SSC5D: variants seen among roughly 807,000 people sequenced by gnomAD.
The protein encoded by SSC5D is scavenger receptor cysteine rich family member with 5 domains.
Under a neutral mutation model 104.6 loss-of-function variants are expected in SSC5D, and 106 were observed. The ratio of observed to expected loss-of-function variants is 1.01; its 90% confidence interval spans 0.87 to 1.19. The LOEUF is 1.19. Ranked by LOEUF, SSC5D falls within the 50% of genes most tolerant of loss-of-function variation. The pLI is 0.00. For synonymous variants in SSC5D, 860 were observed against 883.5 expected, an observed-to-expected ratio of 0.97 and a Z score of 0.47; for missense variants, 1,993 against 2,153.8, an observed-to-expected ratio of 0.93 and a Z score of 1.48.
At chr19:55,516,900 C>T (rs1460379791) in intron 13 of SSC5D, among the ~76,000 whole-genome samples, 1 of 151,764 alleles carries the variant, frequency 6.6e-6, no homozygotes. Flanking sequence ...GCACTCCCGC[C>T]CCCTCCCGCA....
In SSC5D at chr19:55,493,680, G is replaced by A. The variant is rs954010782; in HGVS notation, c.981G>A (p.Ser327=). The change falls in exon 7 of 14, where the codon TCG becomes TCA. Residue 327 remains serine (S), a synonymous_variant. Transcript: ENST00000389623. ...TCTGGCACGGGGGTCGCTGGGGGTCGGTGTGTGACGACGCCTGGGACCTGC... is the reference window on the plus strand; with the variant it reads ...TCTGGCACGGGGGTCGCTGGGGGTCAGTGTGTGACGACGCCTGGGACCTGC... ...LEVWHGGRWG[S]VCDDAWDLRD... 1.3e-6 allele frequency: 2 copies of A among 1,508,916 alleles called. No individual in the cohort carries two copies. Among genetic ancestry groups the A allele is most frequent in the Non-Finnish European group, 1.8e-6 (2 of 1,135,138 alleles). 93.5% of individuals were successfully genotyped at this position (1,508,916 alleles called of 1,614,324 possible).
chr19:55,509,357 C>G (rs1360052779), intron 12 of SSC5D, among the ~76,000 whole-genome samples: 3 of 152,156 alleles, frequency 2.0e-5, no homozygotes, highest in African/African-American at 7.2e-5. Flanking sequence ...AGCAATTCCA[C>G]AACGAGGCGT....
chr19:55,489,464 G>A lies in SSC5D; in HGVS notation c.163G>A (p.Ala55Thr), dbSNP rs1020275578. The change falls in exon 3 of 14, where the codon GCC becomes ACC. Residue 55 changes from alanine (A) to threonine (T), a missense_variant. By Grantham distance (58) the Ala-to-Thr change is moderately conservative. Coordinates refer to ENST00000389623, the MANE Select transcript of SSC5D (RefSeq NM_001144950.2). ...TGACGGCTGGGACCTGCGCGATGCC[G>A]CCGTGGCCTGCCGGCAGCTGGGCTG... Reference protein sequence around the residue: ...CDDGWDLRDAAVACRQLGCGG... With the variant: ...CDDGWDLRDATVACRQLGCGG... 31 of 1,473,318 alleles carry A rather than the reference G, an allele frequency of 2.1e-5. No individual in the cohort carries two copies. Among genetic ancestry groups the A allele is most frequent in the African/African-American group, 4.3e-5 (3 of 69,560 alleles). 91.3% of individuals were successfully genotyped at this position (1,473,318 alleles called of 1,614,324 possible).
rs991555167 is a variant in SSC5D, at chr19:55,501,073, A to G, written c.2657A>G (p.Asp886Gly). ...DYDDYPPWTW[D>G]PTSREDLAKG... Reference sequence around the variant, plus strand: ...GACGATTATCCCCCCTGGACCTGGGACCCCACCTCAAGAGAGGACCTGGCC... The same window carrying G: ...GACGATTATCCCCCCTGGACCTGGGGCCCCACCTCAAGAGAGGACCTGGCC... The change falls in exon 12 of 14, where the codon GAC (aspartate) becomes GGC (glycine). Residue 886 changes from aspartate (D) to glycine (G), a missense_variant. By Grantham distance (94) the Asp-to-Gly change is moderately conservative. This residue lies in a region of SSC5D where 423 missense variants were observed against 409.2 expected (regional missense o/e 1.03). Transcript: ENST00000389623. The G allele has an allele frequency of 6.4e-7, 1 of 1,551,586 alleles. No homozygotes were observed. The highest frequency in any genetic ancestry group is 2.0e-5 in the Admixed American group (1 of 50,944).
intron 12 of SSC5D, among the ~76,000 whole-genome samples, chr19:55,511,212 C>T (rs10408436): frequency 0.2 from 30,777 of 152,134 alleles, 3,220 homozygotes; most frequent in East Asian, 0.24. Context: ...GAAGGCATGA[C>T]GGAGGTGTCT....
At chr19:55,513,808 A>C (rs1226501977) in intron 13 of SSC5D, among the ~76,000 whole-genome samples, 4 of 152,184 alleles carry the variant, frequency 2.6e-5, no homozygotes, top group Admixed American at 6.6e-5. Context: ...TTACAATAGT[A>C]CCGAGGTTGA....
At position 55,497,955 on chromosome 19, in the gene SSC5D, G is replaced by A. The variant is rs1987368554; in HGVS notation, c.1463G>A (p.Trp488Ter). Residue 488 changes from tryptophan to a stop codon, truncating the protein, a stop_gained, in exon 9 of 14, where the codon TGG becomes TAG. Transcript: ENST00000389623. LOFTEE classifies it high-confidence loss of function. ...GRLEVWHDQR[W>*]GTVCDDSWDM... ...CTGGAGGTGTGGCATGACCAGCGCT[G>A]GGGGACCGTGTGTGACGATAGCTGG... 3.9e-6 allele frequency: 6 copies of A among 1,551,724 alleles called. No homozygotes were observed. The highest frequency in any genetic ancestry group is 1.2e-5 in the South Asian group (1 of 84,060).
intron 5 of SSC5D, 103 bp from the exon 6 acceptor site, chr19:55,490,669 G>T: frequency 7.5e-7 from 1 of 1,334,590 alleles, no homozygotes; most frequent in Non-Finnish European, 9.9e-7. Context: ...ACAGATCTCA[G>T]GCCACCGCTC....
Position 55,500,212 on chromosome 19 carries a change from C to T in SSC5D, c.2102C>T (p.Thr701Ile), listed in dbSNP as rs1987444698. ...RWTSHTTATL[T>I]PQAPRERTTK... ...ACCTCTCACACCACTGCCACGCTGA[C>T]CCCTCAGGCCCCCCGAGAACGGACC... Residue 701 changes from threonine (T) to isoleucine (I), a missense_variant, in exon 10 of 14, where the codon ACC (threonine) becomes ATC (isoleucine). Coordinates refer to ENST00000389623, the MANE Select transcript of SSC5D (RefSeq NM_001144950.2). This position sits in a 1 kb window ranked among gnomAD's most constrained non-coding sequence, Gnocchi z 4.6. 3.2e-6 allele frequency: 5 copies of T among 1,551,350 alleles called. No homozygotes were observed. Among genetic ancestry groups the T allele is most frequent in the Non-Finnish European group, 1.7e-6 (2 of 1,146,892 alleles).
intron 12 of SSC5D, among the ~76,000 whole-genome samples, chr19:55,508,668 GGGGGGAGGCC>G (rs1248081869): frequency 2.0e-4 from 11 of 54,780 alleles, no homozygotes; most frequent in Admixed American, 4.1e-4. Context: ...CACAGGGGAT[GGGGGGAGGCC>G]TCCTGAGGGC....
At chr19:55,497,095 G>A (rs1423145943) in intron 8 of SSC5D, among the ~76,000 whole-genome samples, 1 of 152,218 alleles carries the variant, frequency 6.6e-6, no homozygotes, top group Non-Finnish European at 1.5e-5. Flanking sequence ...CTTCCTCTGA[G>A]AAGCCTTCTC....
intron 12 of SSC5D, chr19:55,504,298 C>A: frequency 6.9e-7 from 1 of 1,447,284 alleles, no homozygotes; most frequent in Non-Finnish European, 9.1e-7. Flanking sequence ...AGCCAATGAG[C>A]AGAAATAAAT....
Position 55,518,203 on chromosome 19 carries a change from G to T in SSC5D, c.3927G>T (p.Thr1309=), listed in dbSNP as rs749076657. The part of the protein sequence containing the change: ...PHPTMTPDPT[T]TPYPTTTPDP... ...CCACCATGACTCCTGACCCCACCAC[G>T]ACCCCTTACCCCACCACTACTCCTG... The change falls in exon 14 of 14, where the codon ACG becomes ACT. Residue 1309 remains threonine (T), a synonymous_variant. Coordinates refer to ENST00000389623, the MANE Select transcript of SSC5D (RefSeq NM_001144950.2). 5.3e-4 allele frequency: 572 copies of T among 1,085,624 alleles called. No homozygotes were observed. The highest frequency in any genetic ancestry group is 2.1e-3 in the Admixed American group (51 of 24,756). 67.2% of individuals were successfully genotyped at this position (1,085,624 alleles called of 1,614,324 possible). A position where few individuals can be genotyped will look rare whatever the true frequency, so the allele number is the denominator to read the frequency against.
chr19:55,498,023 G>C lies in SSC5D; in HGVS notation c.1531G>C (p.Gly511Arg), dbSNP rs1266126747. Residue 511 changes from glycine (G) to arginine (R), a missense_variant, in exon 9 of 14, where the codon GGT becomes CGT. Gly to Arg is a moderately radical substitution (Grantham distance 125). Transcript: ENST00000389623. Reference sequence around the variant, plus strand: ...TGTGGTCTGCCGGGAGCTGGGCTGTGGTGGACCTCAGCAGCCAGACCCTGC... The same window carrying C: ...TGTGGTCTGCCGGGAGCTGGGCTGTCGTGGACCTCAGCAGCCAGACCCTGC... Reference protein sequence around the residue: ...SAVVCRELGCGGPQQPDPAAG... With the variant: ...SAVVCRELGCRGPQQPDPAAG... 2 of 1,551,638 alleles carry C rather than the reference G, an allele frequency of 1.3e-6. No homozygotes were observed. The highest frequency in any genetic ancestry group is 2.4e-5 in the East Asian group (1 of 40,922).
In SSC5D at chr19:55,503,522, G is replaced by C. The variant is rs1239466413; in HGVS notation, c.2785+2321G>C. Among the ~76,000 whole-genome samples, 1 of 151,472 alleles carries C rather than the reference G, an allele frequency of 6.6e-6. No homozygotes were observed. The highest frequency in any genetic ancestry group is 1.9e-4 in the East Asian group (1 of 5,152). On this transcript the variant is annotated intron_variant, in intron 12 of 13. Transcript: ENST00000389623. The surrounding 1 kb of genome is among the most constrained non-coding windows in gnomAD (Gnocchi z 4.0). ...TCTCATGGTCAGCCCCCTTCCCTCC[G>C]TTTCTGTCTCCCGCGGGCTCCTCTG...
In SSC5D at chr19:55,500,155, G is replaced by C. The variant is rs1456782616; in HGVS notation, c.2045G>C (p.Arg682Thr). ...CGAAGACCTACCTCTGAGTTTACCA[G>C]AAGGCCGACCACGGAGGCCCCCCAG... ...ASRRPTSEFT[R>T]RPTTEAPQRW... is the part of the protein sequence containing the mutation. Residue 682 changes from arginine to threonine, a missense_variant, in exon 10 of 14, where the codon AGA (arginine) becomes ACA (threonine). Physicochemically the swap from Arg to Thr is moderately conservative, Grantham distance 71. This residue lies in a region of SSC5D where 1,101 missense variants were observed against 1,085.0 expected (regional missense o/e 1.01). Transcript: ENST00000389623. This position sits in a 1 kb window ranked among gnomAD's most constrained non-coding sequence, Gnocchi z 4.6. 6.4e-7 allele frequency: 1 copy of C among 1,551,362 alleles called. No homozygotes were observed. The highest frequency in any genetic ancestry group is 8.7e-7 in the Non-Finnish European group (1 of 1,146,868).
intron 1 of SSC5D, 28 bp downstream of exon 1, chr19:55,488,642 C>T (rs372114073): frequency 4.5e-6 from 7 of 1,546,774 alleles, no homozygotes; most frequent in East Asian, 2.5e-5. Flanking sequence ...CTTGGGGACT[C>T]GGGGGGCCTA....
At position 55,501,033 on chromosome 19, in the gene SSC5D, G is replaced by A; in HGVS notation, c.2618-1G>A. ...CAACCATTACCCCAATTTCTCCAAA[G>A]GCTACACAGACTATGACGATTATCC... On this transcript the variant is annotated splice_acceptor_variant, in intron 11 of 13. Coordinates refer to ENST00000389623, the MANE Select transcript of SSC5D (RefSeq NM_001144950.2). LOFTEE classifies it high-confidence loss of function. 6.4e-7 allele frequency: 1 copy of A among 1,551,922 alleles called. No individual in the cohort carries two copies. Among genetic ancestry groups the A allele is most frequent in the Non-Finnish European group, 8.7e-7 (1 of 1,147,016 alleles).
chr19:55,508,393 G>A (rs368145960), intron 12 of SSC5D, among the ~76,000 whole-genome samples: 11 of 152,134 alleles, frequency 7.2e-5, no homozygotes, highest in East Asian at 1.9e-4. Context: ...ATTTTATCGC[G>A]TGCTCTCCAT....
Sources: allele counts gnomAD v4.1 joint callset (sites outside exome capture counted in the v4.1 genomes callset), GRCh38; gene constraint gnomAD v4.1.1; regional missense constraint gnomAD v4.1.1; non-coding constraint Gnocchi (gnomAD v3.1); transcripts MANE v1.5; gene names NCBI Gene and HGNC (gene_info 2026-07-23, HGNC 2026-07-21).